The following CCNYL1 variants were observed in gnomAD, a reference collection of about 807,000 sequenced individuals.
The protein encoded by CCNYL1 is cyclin Y like 1.
A neutral mutation model predicts 44.2 loss-of-function variants in CCNYL1; 16 were observed. That is an observed-to-expected ratio of 0.36 (90% CI 0.25 to 0.55). CCNYL1 has a LOEUF of 0.55. Among genes scored for constraint, CCNYL1 ranks in the 20% least tolerant of loss-of-function variants. The pLI is 0.85. For missense variants in CCNYL1, 348 were observed against 451.8 expected, an observed-to-expected ratio of 0.77 and a Z score of 2.08; for synonymous variants, 159 against 163.2, an observed-to-expected ratio of 0.97 and a Z score of 0.20.
In CCNYL1 at chr2:207,742,316, A is replaced by G. The variant is rs773659703; in HGVS notation, c.613A>G (p.Thr205Ala). The change falls in exon 7 of 10, where the codon ACA becomes GCA. Residue 205 changes from threonine (T) to alanine (A), a missense_variant. By Grantham distance (58) the Thr-to-Ala change is moderately conservative. Coordinates refer to ENST00000295414, the MANE Select transcript of CCNYL1 (RefSeq NM_001330218.2). ...TACTCTTTTTAGTGCTGCACAGCTAACAGCTGAATGTGCAATAGTAACTTT... is the reference window on the plus strand; with the variant it reads ...TACTCTTTTTAGTGCTGCACAGCTAGCAGCTGAATGTGCAATAGTAACTTT... The part of the protein sequence containing the change: ...VRTLFSAAQL[T>A]AECAIVTLVY... 4.3e-6 allele frequency: 7 copies of G among 1,612,802 alleles called. No homozygotes were observed. The highest frequency in any genetic ancestry group is 5.9e-6 in the Non-Finnish European group (7 of 1,179,592).
chr2:207,746,971 G>A (rs62189196), intron 7 of CCNYL1, 76 bp from the exon 8 acceptor site: 15,312 of 1,199,884 alleles, frequency 0.013, 192 homozygotes, highest in Middle Eastern at 0.048. Context: ...GTGAAACTCC[G>A]TCTCAAAAAA....
chr2:207,713,611 G>A (rs2091570479), intron 1 of CCNYL1, among the ~76,000 whole-genome samples: 1 of 152,176 alleles, frequency 6.6e-6, no homozygotes, highest in Non-Finnish European at 1.5e-5. Context: ...TTTAAATCCA[G>A]TGGGCTCATT....
At chr2:207,749,842 G>C (rs13390467) in intron 8 of CCNYL1, among the ~76,000 whole-genome samples, 4,009 of 152,290 alleles carry the variant, frequency 0.026, 86 homozygotes, top group African/African-American at 0.054. Flanking sequence ...CCATACAGGA[G>C]ATCATCAAGC....
chr2:207,752,953 C>A (rs1306000371), intron 9 of CCNYL1, among the ~76,000 whole-genome samples: 1 of 151,618 alleles, frequency 6.6e-6, no homozygotes, highest in Non-Finnish European at 1.5e-5. Context: ...GCAGGAGAAT[C>A]GCTTGAACCT....
intron 5 of CCNYL1, among the ~76,000 whole-genome samples, chr2:207,738,795 C>T (rs1234276793): frequency 2.0e-5 from 3 of 152,016 alleles, no homozygotes; most frequent in Admixed American, 6.5e-5. Context: ...TCTCAGCTCA[C>T]TGCAACCTCC....
At chr2:207,716,785 G>A (rs1373625676) in intron 1 of CCNYL1, among the ~76,000 whole-genome samples, 2 of 152,146 alleles carry the variant, frequency 1.3e-5, no homozygotes, top group East Asian at 3.9e-4. Context: ...TATGGGTTGA[G>A]TCATTTTGTA....
chr2:207,726,894 A>G lies in CCNYL1; in HGVS notation c.330+18A>G. ...TGAACCATGTAAGTAAACAGTTGGA[A>G]AGCTAAGAAATTAACAGTTGAATTA... is the stretch of plus-strand genomic sequence containing the variant. On this transcript the variant is annotated intron_variant, in intron 3 of 9. Coordinates refer to ENST00000295414, the MANE Select transcript of CCNYL1 (RefSeq NM_001330218.2). The G allele has an allele frequency of 6.5e-7, 1 of 1,530,206 alleles. No homozygotes were observed. Among genetic ancestry groups the G allele is most frequent in the Non-Finnish European group, 8.7e-7 (1 of 1,142,910 alleles). The allele number at this position is 1,530,206 out of a possible 1,614,324, so 94.8% of individuals were successfully genotyped here.
intron 2 of CCNYL1, among the ~76,000 whole-genome samples, chr2:207,725,742 T>TA (rs1213883625): frequency 6.6e-6 from 1 of 152,244 alleles, no homozygotes; most frequent in African/African-American, 2.4e-5. Flanking sequence ...AAGTGAAACT[T>TA]ACGTACATTT....
chr2:207,751,304 T>G (rs898574760), intron 9 of CCNYL1, among the ~76,000 whole-genome samples, 185 bp downstream of exon 9: 1 of 152,260 alleles, frequency 6.6e-6, no homozygotes, highest in Non-Finnish European at 1.5e-5. Flanking sequence ...GGATCAACAT[T>G]ATTTAAAAAT....
chr2:207,744,963 A>G (rs886237448), intron 7 of CCNYL1, among the ~76,000 whole-genome samples: 2 of 152,154 alleles, frequency 1.3e-5, no homozygotes, highest in African/African-American at 4.8e-5. Context: ...AACTAGGTGA[A>G]TGGAAATGCC....
intron 1 of CCNYL1, among the ~76,000 whole-genome samples, chr2:207,717,539 G>T (rs1157580436): frequency 6.6e-6 from 1 of 152,176 alleles, no homozygotes; most frequent in African/African-American, 2.4e-5. Context: ...TGAGGTGCTA[G>T]GGAGAAAAGT....
At chr2:207,727,834 T>C (rs2105825174) in intron 3 of CCNYL1, among the ~76,000 whole-genome samples, 1 of 152,316 alleles carries the variant, frequency 6.6e-6, no homozygotes, top group Admixed American at 6.5e-5. Flanking sequence ...TCCTAGATTC[T>C]GTGTTTCCCT....
At chr2:207,734,083 G>C (rs751997670) in intron 4 of CCNYL1, 36 bp downstream of exon 4, 2 of 1,349,376 alleles carry the variant, frequency 1.5e-6, no homozygotes, top group East Asian at 4.6e-5. Context: ...CTGAGTGACA[G>C]ACCCCCTTAT....
chr2:207,739,655 G>T (rs920693002), intron 5 of CCNYL1, among the ~76,000 whole-genome samples: 7 of 152,170 alleles, frequency 4.6e-5, no homozygotes, highest in Non-Finnish European at 8.8e-5. Flanking sequence ...CTCTACCTCG[G>T]TATGCAGAAT....
At chr2:207,740,778 A>G (rs2091803157) in intron 6 of CCNYL1, 72 bp downstream of exon 6, 1 of 881,128 alleles carries the variant, frequency 1.1e-6, no homozygotes, top group African/African-American at 1.7e-5. Context: ...GATATTTATA[A>G]ATAGTCCTAA....
In CCNYL1 at chr2:207,727,723, C is replaced by T. The variant is rs537344279; in HGVS notation, c.330+847C>T. On this transcript the variant is annotated intron_variant, in intron 3 of 9. Coordinates refer to ENST00000295414, the MANE Select transcript of CCNYL1 (RefSeq NM_001330218.2). Reference sequence around the variant, plus strand: ...TTTTGTCATCCTCTTCAAATATAGACGGGTTTTTCCTAAGACTGTTCTGTG... The same window carrying T: ...TTTTGTCATCCTCTTCAAATATAGATGGGTTTTTCCTAAGACTGTTCTGTG... Among the ~76,000 whole-genome samples the T allele has an allele frequency of 3.9e-5, 6 of 152,242 alleles. No individual in the cohort carries two copies. The East Asian group carries it at 7.7e-4, about 20-fold the overall frequency.
In CCNYL1 at chr2:207,754,443, G is replaced by C. The variant is rs553705299; in HGVS notation, c.*745G>C. On this transcript the variant is annotated 3_prime_UTR_variant, in exon 10 of 10. Transcript: ENST00000295414. ...CTCATTTTCTGATAATTTTTCTCTT[G>C]CTAAATAAATGTATTAAAAGATATT... 3.3e-5 allele frequency: 5 copies of C among 152,644 alleles called. No individual in the cohort carries two copies. Among genetic ancestry groups the C allele is most frequent in the African/African-American group, 1.2e-4 (5 of 41,500 alleles). The allele number at this position is 152,644 out of a possible 1,614,324, so 9.5% of individuals were successfully genotyped here.
At chr2:207,742,147 G>GT in intron 6 of CCNYL1, 76 bp from the exon 7 acceptor site, 2 of 1,288,972 alleles carry the variant, frequency 1.6e-6, no homozygotes, top group Non-Finnish European at 2.1e-6. Flanking sequence ...GTGAAACTCA[G>GT]TCTCAAAAAA....
In CCNYL1 at chr2:207,755,381, GA is replaced by G. The variant is rs2091924674; in HGVS notation, c.*1689del. 6.6e-6 allele frequency: 1 copy of G among 152,076 alleles called. No individual in the cohort carries two copies. The highest frequency in any genetic ancestry group is 2.1e-4 in the South Asian group (1 of 4,828). The allele number at this position is 152,076 out of a possible 1,614,324, so 9.4% of individuals were successfully genotyped here. A position where few individuals can be genotyped will look rare whatever the true frequency, so the allele number is the denominator to read the frequency against. On this transcript the variant is annotated 3_prime_UTR_variant, in exon 10 of 10. Transcript: ENST00000295414. ...GGCGACATCCAGACCCTGTCTCAAA[GA>G]AAAAAGCAGAAGAAAAATGTTCAGA... is the stretch of plus-strand genomic sequence containing the variant.
Sources: gnomAD v4.1 joint callset for allele counts (sites outside exome capture counted in the v4.1 genomes callset) on GRCh38, gnomAD v4.1.1 for gene constraint, MANE v1.5 for transcripts, NCBI Gene and HGNC (gene_info 2026-07-23, HGNC 2026-07-21) for gene names.